The following ZNF451 variants were observed in gnomAD, a reference collection of about 807,000 sequenced individuals.
ZNF451 encodes the protein E3 SUMO-protein ligase ZNF451.
A neutral mutation model predicts 107.1 loss-of-function variants in ZNF451; 80 were observed. That is an observed-to-expected ratio of 0.75 (90% CI 0.62 to 0.90). The LOEUF (loss-of-function observed/expected upper bound fraction) is 0.90, where lower values mean the gene tolerates loss of function less well. Among genes scored for constraint, ZNF451 ranks in the 40% least tolerant of loss-of-function variants. ZNF451 has a pLI of 0.00. For synonymous variants in ZNF451, 362 were observed against 406.5 expected (o/e 0.89, Z 1.32); for missense variants, 1,107 against 1,236.2 (o/e 0.90, Z 1.57).
chr6:57,147,135 CA>C lies in ZNF451; in HGVS notation c.1051del (p.Ile351LeufsTer10). ...AGPVAVAEKS[I>X]TQVAEKFILR... ...GACCTGTAGCTGTAGCTGAGAAGAGCATTACCCAGGTTGCAGAGAAATTCAT... is the reference window on the plus strand; with the variant it reads ...GACCTGTAGCTGTAGCTGAGAAGAGCTTACCCAGGTTGCAGAGAAATTCAT... On this transcript the variant is annotated frameshift_variant, in exon 10 of 15. Transcript: ENST00000370706. LOFTEE classifies it high-confidence loss of function. The C allele has an allele frequency of 1.2e-6, 2 of 1,613,928 alleles. No homozygotes were observed. Among genetic ancestry groups the C allele is most frequent in the Non-Finnish European group, 1.7e-6 (2 of 1,179,886 alleles).
chr6:57,148,224 A>G lies in ZNF451; in HGVS notation c.2139A>G (p.Val713=). ...TSIKTEDDFP[V]IETSNQLTCG... ...TTAAAACCGAAGATGATTTTCCAGT[A>G]ATAGAGACCAGTAACCAGTTAACTT... The change falls in exon 10 of 15, where the codon GTA becomes GTG. Residue 713 remains valine (V), a synonymous_variant. Coordinates refer to ENST00000370706, the MANE Select transcript of ZNF451 (RefSeq NM_001031623.3). The G allele has an allele frequency of 6.2e-7, 1 of 1,614,062 alleles. No homozygotes were observed. The highest frequency in any genetic ancestry group is 1.1e-5 in the South Asian group (1 of 91,068).
intron 3 of ZNF451, chr6:57,101,014 C>T (rs1233316338): frequency 6.4e-7 from 1 of 1,550,484 alleles, no homozygotes; most frequent in Non-Finnish European, 8.7e-7. Context: ...ACGTGATCTG[C>T]AGTCCAGGAG....
chr6:57,114,681 T>G lies in ZNF451; in HGVS notation c.187-10053T>G, dbSNP rs141520091. Among the ~76,000 whole-genome samples the G allele has an allele frequency of 9.8e-4, 150 of 152,288 alleles. 3 individuals are homozygous for G. In the East Asian group the frequency reaches 0.027, roughly 28 times the overall value. On this transcript the variant is annotated intron_variant, in intron 3 of 14. Transcript: ENST00000370706. Reference sequence around the variant, plus strand: ...TGTCTATATTTTTGTAGGATATATATTAAACATATTTTTATAAGGCAAAAT... The same window carrying G: ...TGTCTATATTTTTGTAGGATATATAGTAAACATATTTTTATAAGGCAAAAT...
At chr6:57,091,470 G>C (rs1829040603) in intron 2 of ZNF451, 1 of 149,450 alleles carries the variant, frequency 6.7e-6, no homozygotes, top group Non-Finnish European at 1.5e-5. Flanking sequence ...TAAACAGGCA[G>C]ATTCCTGGGC....
chr6:57,127,520 T>C (rs904937580), intron 4 of ZNF451, among the ~76,000 whole-genome samples: 4 of 152,172 alleles, frequency 2.6e-5, no homozygotes, highest in South Asian at 4.1e-4. Context: ...CCATACATTA[T>C]TATGGTTTAT....
intron 14 of ZNF451, chr6:57,165,559 C>T (rs1447909191): frequency 6.6e-6 from 1 of 152,186 alleles, no homozygotes; most frequent in Non-Finnish European, 1.5e-5. Flanking sequence ...CATTAAGCCC[C>T]TCTAAAGATT....
chr6:57,110,286 T>C (rs1830051664), intron 3 of ZNF451, among the ~76,000 whole-genome samples: 1 of 152,212 alleles, frequency 6.6e-6, no homozygotes, highest in African/African-American at 2.4e-5. Context: ...TATCTGTGAA[T>C]ATGTACTGGT....
intron 3 of ZNF451, among the ~76,000 whole-genome samples, chr6:57,114,054 A>C (rs2073661628): frequency 6.6e-6 from 1 of 152,216 alleles, no homozygotes; most frequent in African/African-American, 2.4e-5. Context: ...TTTAACAGAA[A>C]GTTCATGTAT....
chr6:57,102,522 T>C (rs112398256), intron 3 of ZNF451: 1,870 of 989,878 alleles, frequency 1.9e-3, no homozygotes, highest in Non-Finnish European at 2.1e-3. Context: ...AGGTAAATCC[T>C]TAACTTTTAG....
intron 7 of ZNF451, among the ~76,000 whole-genome samples, chr6:57,136,400 A>C (rs1831428925): frequency 6.6e-6 from 1 of 152,170 alleles, no homozygotes; most frequent in African/African-American, 2.4e-5. Flanking sequence ...ATGGATTCAA[A>C]GATGTGGACA....
intron 8 of ZNF451, 138 bp downstream of exon 8, chr6:57,141,593 C>T (rs2273919): frequency 0.087 from 72,189 of 831,570 alleles, 3,917 homozygotes; most frequent in African/African-American, 0.19. Context: ...ATCTCAATTC[C>T]TACTTAAAAA....
At chr6:57,124,411 C>G (rs562879321) in intron 3 of ZNF451, 5 of 714,802 alleles carry the variant, frequency 7.0e-6, no homozygotes, top group Admixed American at 6.0e-5. Context: ...TTACCTCTCT[C>G]TCTCTCTCCA....
At chr6:57,121,307 G>A (rs1830626487) in intron 3 of ZNF451, among the ~76,000 whole-genome samples, 1 of 152,160 alleles carries the variant, frequency 6.6e-6, no homozygotes, top group African/African-American at 2.4e-5. Context: ...TTTGAAGTCA[G>A]TTAGTGTCAG....
chr6:57,142,169 TC>T (rs1433736443), intron 9 of ZNF451, 74 bp downstream of exon 9: 25 of 1,443,936 alleles, frequency 1.7e-5, no homozygotes, highest in Non-Finnish European at 2.2e-5. Context: ...AAATACATTT[TC>T]TTTCCATGTT....
chr6:57,135,487 C>G (rs1831385278), intron 7 of ZNF451, among the ~76,000 whole-genome samples: 1 of 151,986 alleles, frequency 6.6e-6, no homozygotes, highest in East Asian at 1.9e-4. Context: ...AGAAGTCATC[C>G]TTAATCTCAC....
chr6:57,150,587 G>T (rs1056360000), intron 10 of ZNF451, 132 bp from the exon 11 acceptor site: 1 of 839,214 alleles, frequency 1.2e-6, no homozygotes, highest in South Asian at 2.2e-5. Flanking sequence ...TCACAAAAAG[G>T]TTTAGATAGA....
chr6:57,155,418 G>A (rs755375238), intron 13 of ZNF451, among the ~76,000 whole-genome samples: 23 of 152,094 alleles, frequency 1.5e-4, no homozygotes, highest in African/African-American at 4.6e-4. Flanking sequence ...CCCAGGAGGC[G>A]GAGGTTGCAG....
In ZNF451 at chr6:57,141,966, A is replaced by G. The variant is rs947265063; in HGVS notation, c.875A>G (p.His292Arg). 7 of 1,613,802 alleles carry G rather than the reference A, an allele frequency of 4.3e-6. No homozygotes were observed. Among genetic ancestry groups the G allele is most frequent in the African/African-American group, 1.3e-5 (1 of 75,070 alleles). Residue 292 changes from histidine (H) to arginine (R), a missense_variant, in exon 9 of 15, where the codon CAT (histidine) becomes CGT (arginine). Physicochemically the swap from His to Arg is conservative, Grantham distance 29. Around this residue, in one of 5 missense-constraint regions of ZNF451, gnomAD observed 339 missense variants for 372.8 expected, o/e 0.91. Coordinates refer to ENST00000370706, the MANE Select transcript of ZNF451 (RefSeq NM_001031623.3). Reference protein sequence around the residue: ...FKLGDNKGIAHPISFPSFAKK... With the variant: ...FKLGDNKGIARPISFPSFAKK... ...CTTTCAGATAACAAAGGAATTGCAC[A>G]TCCAATATCTTTCCCATCTTTTGCA...
At chr6:57,101,530 G>T (rs1829597517) in intron 3 of ZNF451, 1 of 1,550,820 alleles carries the variant, frequency 6.4e-7, no homozygotes, top group South Asian at 1.2e-5. Flanking sequence ...AAAAGAAATG[G>T]AGGTCATGGG....
Sources: gnomAD v4.1 joint callset for allele counts (sites outside exome capture counted in the v4.1 genomes callset) on GRCh38, gnomAD v4.1.1 for gene constraint, gnomAD v4.1.1 regional missense constraint, MANE v1.5 for transcripts, NCBI Gene and HGNC (gene_info 2026-07-23, HGNC 2026-07-21) for gene names.